RIN2: variants seen among roughly 807,000 people sequenced by gnomAD.
RIN2 encodes the protein RAB5 interacting protein 2.
Under a neutral mutation model 78.0 loss-of-function variants are expected in RIN2, and 36 were observed. The ratio of observed to expected loss-of-function variants is 0.46; its 90% CI spans 0.35 to 0.61. RIN2 has a LOEUF of 0.61. Among genes scored for constraint, RIN2 ranks in the 20% least tolerant of loss-of-function variants. The pLI, the probability that RIN2 is intolerant of heterozygous loss-of-function variation, is 0.00. For synonymous variants in RIN2, 466 were observed against 466.8 expected (o/e 1.00, Z 0.02); for missense variants, 1,087 against 1,159.7 (o/e 0.94, Z 0.91).
chr20:19,853,934 T>G (rs1396685889), intron 2 of RIN2, among the ~76,000 whole-genome samples: 4 of 152,264 alleles, frequency 2.6e-5, no homozygotes, highest in Non-Finnish European at 5.9e-5. Context: ...TTTTGGTGTT[T>G]TAGTCATGAA....
chr20:19,872,587 A>G (rs771306072), intron 2 of RIN2, among the ~76,000 whole-genome samples: 3 of 152,138 alleles, frequency 2.0e-5, no homozygotes, highest in Non-Finnish European at 4.4e-5. Context: ...GACCTACACA[A>G]CCCAGCTTCC....
chr20:19,826,083 G>T (rs917953032), intron 2 of RIN2, among the ~76,000 whole-genome samples: 6 of 147,530 alleles, frequency 4.1e-5, no homozygotes, highest in African/African-American at 1.3e-4. Flanking sequence ...GCTAATATAT[G>T]CATTATTATG....
At chr20:19,931,045 T>A (rs2040420316) in intron 3 of RIN2, among the ~76,000 whole-genome samples, 1 of 151,866 alleles carries the variant, frequency 6.6e-6, no homozygotes, top group Non-Finnish European at 1.5e-5. Context: ...GGCCAGGAGT[T>A]CAAGACCAGC....
intron 3 of RIN2, among the ~76,000 whole-genome samples, chr20:19,910,442 G>A (rs2039412528): frequency 6.6e-6 from 1 of 151,584 alleles, no homozygotes; most frequent in African/African-American, 2.4e-5. Flanking sequence ...CAAAGTGCTG[G>A]GATTACAGGC....
chr20:19,805,680 G>C (rs1315689849), intron 2 of RIN2, among the ~76,000 whole-genome samples: 1 of 151,740 alleles, frequency 6.6e-6, no homozygotes, highest in Admixed American at 6.6e-5. Context: ...GGGATTACAG[G>C]CATGAGCCAC....
intron 3 of RIN2, among the ~76,000 whole-genome samples, chr20:19,910,788 A>C (rs2039430959): frequency 6.6e-6 from 1 of 150,942 alleles, no homozygotes; most frequent in African/African-American, 2.4e-5. Flanking sequence ...GGCTGGTCAC[A>C]AACTCTTGAC....
chr20:19,999,300 GTCACTGTCAA>G (rs2146432670), intron 12 of RIN2, among the ~76,000 whole-genome samples: 1 of 152,248 alleles, frequency 6.6e-6, no homozygotes, highest in East Asian at 1.9e-4. Context: ...TTCAAAGAGT[GTCACTGTCAA>G]TCTGGGCACC....
At chr20:19,758,456 C>T (rs942426158) in intron 1 of RIN2, 129 bp downstream of exon 1, 14 of 152,550 alleles carry the variant, frequency 9.2e-5, no homozygotes, top group Admixed American at 7.2e-4. Context: ...TCTCTCCCTA[C>T]TCCGGAGGGG....
At chr20:19,885,929 T>C (rs2038169833) in intron 2 of RIN2, among the ~76,000 whole-genome samples, 2 of 151,794 alleles carry the variant, frequency 1.3e-5, no homozygotes, top group South Asian at 2.1e-4. Context: ...GAAGGTTACG[T>C]TGGACTAAAG....
intron 3 of RIN2, among the ~76,000 whole-genome samples, chr20:19,901,498 G>A (rs1375106170): frequency 1.3e-5 from 2 of 152,152 alleles, no homozygotes; most frequent in Admixed American, 6.5e-5. Context: ...AGTGTGCTAC[G>A]ATTGAGGGGC....
At chr20:19,876,036 G>A (rs1159051206) in intron 2 of RIN2, among the ~76,000 whole-genome samples, 4 of 152,202 alleles carry the variant, frequency 2.6e-5, no homozygotes, top group Admixed American at 1.3e-4. Context: ...AAGAGGGAGC[G>A]AGGACTTCAG....
At chr20:19,814,946 C>G (rs1042297773) in intron 2 of RIN2, among the ~76,000 whole-genome samples, 1 of 152,122 alleles carries the variant, frequency 6.6e-6, no homozygotes, top group East Asian at 1.9e-4. Context: ...TTAGAATAAA[C>G]CAAATCCTAT....
intron 1 of RIN2, among the ~76,000 whole-genome samples, chr20:19,783,152 T>C (rs1600443195): frequency 6.6e-6 from 1 of 152,352 alleles, no homozygotes; most frequent in East Asian, 1.9e-4. Context: ...CTGTATCAGA[T>C]CATAACACAA....
At chr20:19,788,352 TG>T (rs1324440721) in intron 1 of RIN2, among the ~76,000 whole-genome samples, 1 of 147,532 alleles carries the variant, frequency 6.8e-6, no homozygotes, top group Non-Finnish European at 1.5e-5. Context: ...CCCAGCACTT[TG>T]GGGGGCTGAG....
intron 2 of RIN2, among the ~76,000 whole-genome samples, chr20:19,844,975 C>T (rs1207813684): frequency 6.6e-6 from 1 of 151,908 alleles, no homozygotes; most frequent in Non-Finnish European, 1.5e-5. Context: ...TGAGTGAGAA[C>T]ATCTGGTGCT....
chr20:19,900,945 C>CAAAA (rs869239642), intron 3 of RIN2, among the ~76,000 whole-genome samples: 13 of 29,586 alleles, frequency 4.4e-4, no homozygotes, highest in South Asian at 2.8e-3. Context: ...AGCTCTGTCT[C>CAAAA]AAAAAAAAAA....
chr20:19,825,435 A>G (rs1390149850), intron 2 of RIN2, among the ~76,000 whole-genome samples: 4 of 152,140 alleles, frequency 2.6e-5, no homozygotes, highest in Non-Finnish European at 5.9e-5. Context: ...CTTTCAGAAG[A>G]CAGCTCTCCT....
At chr20:19,869,226 T>C (rs2037606321) in intron 2 of RIN2, among the ~76,000 whole-genome samples, 1 of 152,074 alleles carries the variant, frequency 6.6e-6, no homozygotes, top group Admixed American at 6.6e-5. Context: ...TTGAATGAAA[T>C]TGATGAAGAC....
At chr20:19,782,060 T>C (rs2034527458) in intron 1 of RIN2, among the ~76,000 whole-genome samples, 2 of 152,200 alleles carry the variant, frequency 1.3e-5, no homozygotes, top group South Asian at 2.1e-4. Context: ...CAGTTAACCC[T>C]TCCTTATCTG....
Sources: gnomAD v4.1 joint callset for allele counts (sites outside exome capture counted in the v4.1 genomes callset) on GRCh38, gnomAD v4.1.1 for gene constraint, MANE v1.5 for transcripts, NCBI Gene and HGNC (gene_info 2026-07-23, HGNC 2026-07-21) for gene names.